ATXN10: variants seen among roughly 807,000 people sequenced by gnomAD.
ATXN10 encodes ataxin 10, also known as ataxin-10.
ATXN10 carries 28 observed loss-of-function variants against 52.9 expected under a neutral mutation model. The ratio of observed to expected loss-of-function variants is 0.53; its 90% CI spans 0.39 to 0.73. The LOEUF is 0.73. Ranked by LOEUF, ATXN10 falls within the 30% of genes least tolerant of loss-of-function variation. ATXN10 has a pLI of 0.00. For missense variants in ATXN10, 565 were observed against 577.0 expected (o/e 0.98, Z 0.21); for synonymous variants, 226 against 221.5 (o/e 1.02, Z -0.18).
chr22:45,756,496 A>T (rs1926178941), intron 9 of ATXN10, among the ~76,000 whole-genome samples: 1 of 152,236 alleles, frequency 6.6e-6, no homozygotes, highest in African/African-American at 2.4e-5. Flanking sequence ...AAAGACTGAC[A>T]TTTCCAAAAA....
intron 9 of ATXN10, among the ~76,000 whole-genome samples, chr22:45,800,895 G>A (rs953415413): frequency 9.2e-5 from 14 of 152,360 alleles, no homozygotes; most frequent in Middle Eastern, 3.4e-3. Flanking sequence ...GGGCAGGGGC[G>A]AGGTGAGCTG....
In ATXN10 at chr22:45,673,873, A is replaced by G. The variant is rs1004661297; in HGVS notation, c.116+1694A>G. Reference sequence around the variant, plus strand: ...AACCGATGAGACAATTAAGTAACATAGATAAGGTTTCTCGTACAGAAGAGA... The same window carrying G: ...AACCGATGAGACAATTAAGTAACATGGATAAGGTTTCTCGTACAGAAGAGA... On this transcript the variant is annotated intron_variant, in intron 1 of 11. Coordinates refer to ENST00000252934, the MANE Select transcript of ATXN10 (RefSeq NM_013236.4). 2 of 152,188 alleles carry G rather than the reference A, an allele frequency of 1.3e-5. 1 individual carries two copies. Among genetic ancestry groups the G allele is most frequent in the South Asian group, 4.1e-4 (2 of 4,820 alleles). The allele number at this position is 152,188 out of a possible 1,614,324, so 9.4% of individuals were successfully genotyped here. A position where few individuals can be genotyped will look rare whatever the true frequency, so the allele number is the denominator to read the frequency against.
chr22:45,748,377 CAT>C (rs1271679626), intron 9 of ATXN10, among the ~76,000 whole-genome samples: 4 of 152,128 alleles, frequency 2.6e-5, no homozygotes, highest in African/African-American at 9.7e-5. Context: ...AAGTAAACCT[CAT>C]ATTCTGCATT....
At chr22:45,812,142 C>G (rs1928303178) in intron 10 of ATXN10, among the ~76,000 whole-genome samples, 1 of 152,170 alleles carries the variant, frequency 6.6e-6, no homozygotes, top group South Asian at 2.1e-4. Flanking sequence ...ACCCAGCGTT[C>G]TGTGTCTTTT....
At position 45,790,356 on chromosome 22, in the gene ATXN10, C is replaced by T. The variant is rs753544966; in HGVS notation, c.1174-16603C>T. Among the ~76,000 whole-genome samples, 2 of 152,056 alleles carry T rather than the reference C, an allele frequency of 1.3e-5. No individual in the cohort carries two copies. The highest frequency in any genetic ancestry group is 2.9e-5 in the Non-Finnish European group (2 of 68,008). On this transcript the variant is annotated intron_variant, in intron 9 of 11. Transcript: ENST00000252934. This position sits in a 1 kb window ranked among gnomAD's most constrained non-coding sequence, Gnocchi z 4.7. Reference sequence around the variant, plus strand: ...TAAAATTAAAAAAGTTAACAGGACACGAGATTATCAAAACATTGCCCCCCC... The same window carrying T: ...TAAAATTAAAAAAGTTAACAGGACATGAGATTATCAAAACATTGCCCCCCC...
chr22:45,811,345 C>G (rs1013330155), intron 10 of ATXN10, among the ~76,000 whole-genome samples: 5 of 152,060 alleles, frequency 3.3e-5, no homozygotes, highest in African/African-American at 1.2e-4. Context: ...TTTATCAGTC[C>G]TTTTATTCTC....
chr22:45,726,757 T>TG (rs1206461010), intron 6 of ATXN10, among the ~76,000 whole-genome samples: 4 of 152,032 alleles, frequency 2.6e-5, no homozygotes, highest in Non-Finnish European at 5.9e-5. Flanking sequence ...GCACGATCAC[T>TG]GCAGCCTTGA....
chr22:45,786,602 G>A lies in ATXN10; in HGVS notation c.1174-20357G>A, dbSNP rs573539845. The stretch of plus-strand genomic sequence containing the variant: ...GTACCCACTCCAAGTGCAATGCTGC[G>A]GGCACATCTCAGCTGGTCAGCAAAA... On this transcript the variant is annotated intron_variant, in intron 9 of 11. Coordinates refer to ENST00000252934, the MANE Select transcript of ATXN10 (RefSeq NM_013236.4). The surrounding 1 kb of genome is among the most constrained non-coding windows in gnomAD (Gnocchi z 4.1). 2.0e-5 allele frequency among the ~76,000 whole-genome samples: 3 copies of A among 152,250 alleles called. No homozygotes were observed. The highest frequency in any genetic ancestry group is 1.9e-4 in the East Asian group (1 of 5,182).
intron 10 of ATXN10, among the ~76,000 whole-genome samples, chr22:45,829,590 C>T (rs1475253422): frequency 6.6e-6 from 1 of 152,076 alleles, no homozygotes; most frequent in Non-Finnish European, 1.5e-5. Flanking sequence ...TTTACTAATA[C>T]TGACGGAATG....
chr22:45,707,044 C>T (rs868729846), intron 5 of ATXN10, among the ~76,000 whole-genome samples: 4 of 152,252 alleles, frequency 2.6e-5, no homozygotes, highest in Non-Finnish European at 4.4e-5. Context: ...TACACACACA[C>T]ATGTTTATAT....
In ATXN10 at chr22:45,757,875, C is replaced by T. The variant is rs371276438; in HGVS notation, c.1173+17337C>T. On this transcript the variant is annotated intron_variant, in intron 9 of 11. Coordinates refer to ENST00000252934, the MANE Select transcript of ATXN10 (RefSeq NM_013236.4). The surrounding 1 kb of genome is among the most constrained non-coding windows in gnomAD (Gnocchi z 4.6). ...CTGGCACACTTTCTCCAGTCATATT[C>T]GTTGAGCCTGTATTTATAAAATTGG... is the stretch of plus-strand genomic sequence containing the variant. Among the ~76,000 whole-genome samples, 1 of 152,162 alleles carries T rather than the reference C, an allele frequency of 6.6e-6. No individual in the cohort carries two copies. The highest frequency in any genetic ancestry group is 2.4e-5 in the African/African-American group (1 of 41,444).
chr22:45,738,216 A>G (rs563672711), intron 7 of ATXN10, among the ~76,000 whole-genome samples: 36 of 152,372 alleles, frequency 2.4e-4, no homozygotes, highest in Admixed American at 1.8e-3. Context: ...AAGATATTGC[A>G]TAGAAGTTCA....
Position 45,843,496 on chromosome 22 carries a change from T to C in ATXN10, c.1426-173T>C, listed in dbSNP as rs1929415527. Among the ~76,000 whole-genome samples the C allele has an allele frequency of 6.6e-6, 1 of 152,264 alleles. No homozygotes were observed. The highest frequency in any genetic ancestry group is 1.5e-5 in the Non-Finnish European group (1 of 68,050). On this transcript the variant is annotated intron_variant, in intron 11 of 11. Coordinates refer to ENST00000252934, the MANE Select transcript of ATXN10 (RefSeq NM_013236.4). The surrounding 1 kb of genome is among the most constrained non-coding windows in gnomAD (Gnocchi z 4.5). ...ATTTTCTTTAAAAGATAGTTAATGT[T>C]CACTATAGTTTAAAAAACAGAACTC...
At position 45,814,012 on chromosome 22, in the gene ATXN10, G is replaced by A. The variant is rs1928375238; in HGVS notation, c.1237+6990G>A. Among the ~76,000 whole-genome samples, 2 of 152,124 alleles carry A rather than the reference G, an allele frequency of 1.3e-5. 1 individual carries two copies. Among genetic ancestry groups the A allele is most frequent in the South Asian group, 4.1e-4 (2 of 4,828 alleles). On this transcript the variant is annotated intron_variant, in intron 10 of 11. Coordinates refer to ENST00000252934, the MANE Select transcript of ATXN10 (RefSeq NM_013236.4). ...TGGACCAATTTAATGTCCATAGTGG[G>A]GAAAACATGACCTGGGAATCCTAAC... is the stretch of plus-strand genomic sequence containing the variant.
chr22:45,839,130 TAC>T (rs879573440), intron 10 of ATXN10, among the ~76,000 whole-genome samples: 5 of 152,224 alleles, frequency 3.3e-5, no homozygotes, highest in Non-Finnish European at 5.9e-5. Flanking sequence ...TGTGGAGGTT[TAC>T]TATTATTGGC....
At position 45,762,246 on chromosome 22, in the gene ATXN10, G is replaced by C. The variant is rs1439716291; in HGVS notation, c.1173+21708G>C. ...CCTTTGTCTGTTTCCCCTGACCAGC[G>C]TGCGTTTCTTTCTGGAGGCGCAGGG... is the stretch of plus-strand genomic sequence containing the variant. On this transcript the variant is annotated intron_variant, in intron 9 of 11. Coordinates refer to ENST00000252934, the MANE Select transcript of ATXN10 (RefSeq NM_013236.4). This position sits in a 1 kb window ranked among gnomAD's most constrained non-coding sequence, Gnocchi z 4.3. Among the ~76,000 whole-genome samples, 8 of 152,164 alleles carry C rather than the reference G, an allele frequency of 5.3e-5. No individual in the cohort carries two copies. Among genetic ancestry groups the C allele is most frequent in the African/African-American group, 1.9e-4 (8 of 41,422 alleles).
chr22:45,771,512 G>A (rs1926778356), intron 9 of ATXN10, among the ~76,000 whole-genome samples: 1 of 151,458 alleles, frequency 6.6e-6, no homozygotes, highest in African/African-American at 2.4e-5. Flanking sequence ...TGCCTCCCGG[G>A]TTGAAGTGAT....
At position 45,795,250 on chromosome 22, in the gene ATXN10, T is replaced by C. The variant is rs192088802; in HGVS notation, c.1174-11709T>C. Among the ~76,000 whole-genome samples, 20 of 152,200 alleles carry C rather than the reference T, an allele frequency of 1.3e-4. No homozygotes were observed. Among genetic ancestry groups the C allele is most frequent in the Non-Finnish European group, 7.4e-5 (5 of 67,992 alleles). On this transcript the variant is annotated intron_variant, in intron 9 of 11. Transcript: ENST00000252934. This position sits in a 1 kb window ranked among gnomAD's most constrained non-coding sequence, Gnocchi z 4.6. ...TCTGGAAAATAAGAACAAAGAATAG[T>C]GAAGACAAATAGAAAACAGATGGCA... is the stretch of plus-strand genomic sequence containing the variant.
chr22:45,764,172 C>T (rs951905620), intron 9 of ATXN10, among the ~76,000 whole-genome samples: 1 of 152,124 alleles, frequency 6.6e-6, no homozygotes, highest in Non-Finnish European at 1.5e-5. Context: ...CAGGAATCAT[C>T]TTCTCCCTCC....
Sources: allele counts gnomAD v4.1 joint callset (sites outside exome capture counted in the v4.1 genomes callset), GRCh38; gene constraint gnomAD v4.1.1; non-coding constraint Gnocchi (gnomAD v3.1); transcripts MANE v1.5; gene names NCBI Gene and HGNC (gene_info 2026-07-23, HGNC 2026-07-21).